The following HEATR5A variants were observed in gnomAD, a reference collection of about 807,000 sequenced individuals.
HEATR5A encodes the protein HEAT repeat-containing protein 5A.
In HEATR5A, 178 loss-of-function variants were observed where a neutral mutation model predicts 218.8. The observed-to-expected ratio is 0.81, with a 90% CI of 0.72 to 0.92. HEATR5A has a LOEUF of 0.92. Ranked by LOEUF, HEATR5A falls within the 40% of genes least tolerant of loss-of-function variation. The pLI, the probability that HEATR5A is intolerant of heterozygous loss-of-function variation, is 0.00. For synonymous variants in HEATR5A, 864 were observed against 871.6 expected (o/e 0.99, Z 0.15); for missense variants, 2,420 against 2,418.9 (o/e 1.00, Z -0.01).
intron 6 of HEATR5A, among the ~76,000 whole-genome samples, chr14:31,389,459 T>G (rs771074964): frequency 2.6e-5 from 4 of 152,228 alleles, no homozygotes; most frequent in African/African-American, 7.2e-5. Context: ...GTCCTATTTT[T>G]AAAAATTCTC....
intron 31 of HEATR5A, among the ~76,000 whole-genome samples, chr14:31,306,437 C>T (rs1333205357): frequency 1.3e-5 from 2 of 152,122 alleles, no homozygotes; most frequent in South Asian, 4.1e-4. Flanking sequence ...GAGGCGAGAT[C>T]GTGCCAATGC....
intron 10 of HEATR5A, among the ~76,000 whole-genome samples, chr14:31,380,949 C>T (rs2029953841): frequency 1.3e-5 from 2 of 152,168 alleles, no homozygotes; most frequent in African/African-American, 2.4e-5. Flanking sequence ...GAGTCTCTCT[C>T]TTAAAAATGC....
intron 14 of HEATR5A, among the ~76,000 whole-genome samples, chr14:31,360,367 T>C (rs907740975): frequency 6.6e-6 from 1 of 152,198 alleles, no homozygotes; most frequent in Non-Finnish European, 1.5e-5. Context: ...AAATTGGTAG[T>C]TGTATCTAGA....
intron 22 of HEATR5A, among the ~76,000 whole-genome samples, chr14:31,336,242 AT>A (rs1900661383): frequency 8.2e-6 from 1 of 122,210 alleles, no homozygotes; most frequent in Admixed American, 7.7e-5. Context: ...ATATATATAT[AT>A]ATATATATAT....
intron 6 of HEATR5A, among the ~76,000 whole-genome samples, chr14:31,389,910 T>C (rs2030380606): frequency 6.6e-6 from 1 of 152,180 alleles, no homozygotes; most frequent in Non-Finnish European, 1.5e-5. Context: ...AATGACTATG[T>C]ATATTAAACA....
Position 31,388,949 on chromosome 14 carries a change from C to T in HEATR5A, c.829G>A (p.Gly277Arg), listed in dbSNP as rs780242753. 2.3e-5 allele frequency: 37 copies of T among 1,613,702 alleles called. No homozygotes were observed. Among genetic ancestry groups the T allele is most frequent in the Non-Finnish European group, 3.0e-5 (35 of 1,179,788 alleles). Reference protein sequence around the residue: ...VSLEEVLELLGTGFLRGSSGF... With the variant: ...VSLEEVLELLRTGFLRGSSGF... The stretch of plus-strand genomic sequence containing the variant: ...GAACTCCCACGTAGAAACCCTGTTC[C>T]TAGTAATTCCAGAACTTCCTCCAAA... Residue 277 changes from glycine to arginine, a missense_variant, in exon 7 of 36, where the codon GGA becomes AGA. Physicochemically the swap from Gly to Arg is moderately radical, Grantham distance 125. Coordinates refer to ENST00000543095, the MANE Select transcript of HEATR5A (RefSeq NM_015473.4).
At position 31,374,301 on chromosome 14, in the gene HEATR5A, C is replaced by CA. The variant is rs34427206; in HGVS notation, c.1861+514dup. On this transcript the variant is annotated intron_variant, in intron 12 of 35. Transcript: ENST00000543095. Reference sequence around the variant, plus strand: ...CCTGGGCAACAGTGAGACCCTATCTCAAAAAAAAAAAAAAAAAAAAAGTGG... The same window carrying CA: ...CCTGGGCAACAGTGAGACCCTATCTCAAAAAAAAAAAAAAAAAAAAAAGTGG... Among the ~76,000 whole-genome samples the CA allele has an allele frequency of 2.8e-4, 26 of 92,076 alleles. 1 individual carries two copies. The highest frequency in any genetic ancestry group is 4.6e-4 in the Admixed American group (4 of 8,738). The allele number at this position is 92,076 out of a possible 152,430, so 60.4% of individuals were successfully genotyped here. A position where few individuals can be genotyped will look rare whatever the true frequency, so the allele number is the denominator to read the frequency against.
Position 31,337,474 on chromosome 14 carries a change from A to G in HEATR5A, c.3367+2T>C, listed in dbSNP as rs1405539964. ...GGACATAATCTTGATCAAGAGAATT[A>G]CCTGGAGTCAACTCTTCTCTGCTAT... On this transcript the variant is annotated splice_donor_variant, in intron 22 of 35. Coordinates refer to ENST00000543095, the MANE Select transcript of HEATR5A (RefSeq NM_015473.4). LOFTEE classifies it high-confidence loss of function. 1.9e-6 allele frequency: 3 copies of G among 1,548,188 alleles called. No homozygotes were observed. In the Admixed American group the frequency reaches 5.9e-5, roughly 31 times the overall value.
chr14:31,328,300 T>C (rs185979122), intron 22 of HEATR5A, among the ~76,000 whole-genome samples: 19 of 152,218 alleles, frequency 1.2e-4, no homozygotes, highest in Admixed American at 1.1e-3. Context: ...AAAGAGAAAT[T>C]ATCTTTTAAA....
In HEATR5A at chr14:31,359,015, G is replaced by C; in HGVS notation, c.2114C>G (p.Thr705Ser). Residue 705 changes from threonine to serine, a missense_variant, in exon 15 of 36, where the codon ACT (threonine) becomes AGT (serine). By Grantham distance (58) the Thr-to-Ser change is moderately conservative. Transcript: ENST00000543095. ...AILRELAADL[T>S]APDIQVAAST... is the part of the protein sequence containing the mutation. ...TGCTGCCACCTGAATATCAGGGGCA[G>C]TCAAGTCAGCAGCCAGCTCTCTGAG... 2 of 1,589,542 alleles carry C rather than the reference G, an allele frequency of 1.3e-6. No homozygotes were observed. Among genetic ancestry groups the C allele is most frequent in the Non-Finnish European group, 1.7e-6 (2 of 1,174,436 alleles).
intron 11 of HEATR5A, 65 bp downstream of exon 11, chr14:31,380,402 A>G: frequency 1.0e-6 from 1 of 981,460 alleles, no homozygotes; most frequent in Non-Finnish European, 1.6e-6. Flanking sequence ...AATCACATAT[A>G]AGAATCATTT....
rs374390961 is a variant in HEATR5A, at chr14:31,374,863, G to A, written c.1814C>T (p.Ser605Leu). 23 of 1,613,714 alleles carry A rather than the reference G, an allele frequency of 1.4e-5. No individual in the cohort carries two copies. Among genetic ancestry groups the A allele is most frequent in the African/African-American group, 5.3e-5 (4 of 75,026 alleles). ...TTCCAGGGTCACCTGCCATGTAAAC[G>A]AATCTCCTCGGCTCTTTTCTGTTTC... ...DLETEKSRGD[S>L]FTWQVTLEGR... is the part of the protein sequence containing the mutation. The change falls in exon 12 of 36, where the codon TCG becomes TTG. Residue 605 changes from serine (S) to leucine (L), a missense_variant. Physicochemically the swap from Ser to Leu is moderately radical, Grantham distance 145 (BLOSUM62 -2). Transcript: ENST00000543095.
At chr14:31,320,715 A>C in intron 25 of HEATR5A, 1 of 369,140 alleles carries the variant, frequency 2.7e-6, no homozygotes, top group Non-Finnish European at 5.1e-6. Context: ...AAGTTACAAA[A>C]CACTTGTTTT....
chr14:31,403,635 G>C (rs2030955437), intron 1 of HEATR5A, among the ~76,000 whole-genome samples: 1 of 152,188 alleles, frequency 6.6e-6, no homozygotes, highest in Admixed American at 6.5e-5. Flanking sequence ...ATCTCTGAAA[G>C]TCTTGTGAGA....
At chr14:31,350,461 G>C (rs1901181048) in intron 17 of HEATR5A, 151 bp downstream of exon 17, 1 of 595,744 alleles carries the variant, frequency 1.7e-6, no homozygotes, top group African/African-American at 1.9e-5. Context: ...AGTAAAAGGA[G>C]AATTCCAAAT....
chr14:31,310,995 A>T (rs1271561047), intron 28 of HEATR5A, among the ~76,000 whole-genome samples: 1 of 151,734 alleles, frequency 6.6e-6, no homozygotes, highest in Non-Finnish European at 1.5e-5. Context: ...AGCCTGGGCA[A>T]CCCAGCAACA....
chr14:31,343,771 G>C, intron 21 of HEATR5A, 125 bp downstream of exon 21: 2 of 665,160 alleles, frequency 3.0e-6, no homozygotes, highest in Non-Finnish European at 4.4e-6. Context: ...AGAACTGAGG[G>C]GAAATAGCTA....
intron 11 of HEATR5A, among the ~76,000 whole-genome samples, chr14:31,377,025 C>A (rs1334210436): frequency 6.6e-6 from 1 of 151,110 alleles, no homozygotes; most frequent in African/African-American, 2.4e-5. Context: ...CTCATGAGGC[C>A]GAGGCAGGAG....
rs547264759 is a variant in HEATR5A, at chr14:31,419,160, T to C, written c.-75+1312A>G. Reference sequence around the variant, plus strand: ...CTTTCAGGTGAGGAGTCTTTTCTTATTCTCCTATTCTATAGTCATCTAGGT... The same window carrying C: ...CTTTCAGGTGAGGAGTCTTTTCTTACTCTCCTATTCTATAGTCATCTAGGT... On this transcript the variant is annotated intron_variant, in intron 1 of 35. Transcript: ENST00000543095. Among the ~76,000 whole-genome samples the C allele has an allele frequency of 3.3e-5, 5 of 152,282 alleles. No individual in the cohort carries two copies. The East Asian group carries it at 7.7e-4, about 23-fold the overall frequency.
Sources: gnomAD v4.1 joint callset for allele counts (sites outside exome capture counted in the v4.1 genomes callset) on GRCh38, gnomAD v4.1.1 for gene constraint, MANE v1.5 for transcripts, NCBI Gene and HGNC (gene_info 2026-07-23, HGNC 2026-07-21) for gene names.